CCDC144A: variants seen among roughly 807,000 people sequenced by gnomAD.
The protein encoded by CCDC144A is coiled-coil domain-containing protein 144A.
Under a neutral mutation model 143.8 loss-of-function variants are expected in CCDC144A, and 41 were observed. The observed-to-expected ratio is 0.29, with a 90% CI of 0.22 to 0.37. The LOEUF (loss-of-function observed/expected upper bound fraction) is 0.37, where lower values mean the gene tolerates loss of function less well. CCDC144A is among the 10% of genes least tolerant of loss of function. CCDC144A has a pLI of 1.00. For missense variants in CCDC144A, 637 were observed against 1,488.8 expected (o/e 0.43, Z 9.41); for synonymous variants, 242 against 517.9 (o/e 0.47, Z 7.23).
At chr17:16,696,633 CAAA>C (rs536770820) in intron 2 of CCDC144A, among the ~76,000 whole-genome samples, 3 of 71,800 alleles carry the variant, frequency 4.2e-5, no homozygotes, top group Admixed American at 1.5e-4. Context: ...GACTCTGTCT[CAAA>C]AAAAAAAAAA....
chr17:16,683,997 C>T, the CCDC144A span: 1 of 1,009,972 alleles, frequency 9.9e-7, no homozygotes, highest in Non-Finnish European at 1.6e-6. Context: ...GGGTGGCAGA[C>T]AAACCAAAGA....
chr17:16,755,474 C>CATTCAAT (rs1915034251), intron 12 of CCDC144A, among the ~76,000 whole-genome samples: 1 of 152,102 alleles, frequency 6.6e-6, no homozygotes, highest in Non-Finnish European at 1.5e-5. Context: ...ATTGAGGACT[C>CATTCAAT]CTGTAAGCAT....
chr17:16,766,726 C>G (rs1168571762), intron 15 of CCDC144A, among the ~76,000 whole-genome samples: 2 of 151,992 alleles, frequency 1.3e-5, no homozygotes, highest in Admixed American at 1.3e-4. Context: ...GGCGACAGAG[C>G]AAGACTCCAT....
chr17:16,688,056 CTG>C (rs896077734), upstream of CCDC144A, among the ~76,000 whole-genome samples: 3 of 151,378 alleles, frequency 2.0e-5, no homozygotes, highest in East Asian at 1.9e-4. Flanking sequence ...TGATAAATGA[CTG>C]TAATATTTCT....
the CCDC144A span, among the ~76,000 whole-genome samples, chr17:16,667,269 C>CGGCTGAGA: frequency 7.7e-6 from 1 of 130,338 alleles, no homozygotes; most frequent in African/African-American, 2.7e-5. Context: ...GCGGCTGAGG[C>CGGCTGAGA]GGCTGAGGGG....
chr17:16,745,713 G>C (rs953224712), intron 12 of CCDC144A: 2 of 1,613,978 alleles, frequency 1.2e-6, no homozygotes, highest in Non-Finnish European at 1.7e-6. Context: ...ACACTCTCGC[G>C]CTCGGAAGTG....
chr17:16,726,380 C>CAAAA (rs1172386875), intron 8 of CCDC144A, among the ~76,000 whole-genome samples: 2 of 69,846 alleles, frequency 2.9e-5, no homozygotes, highest in East Asian at 4.3e-4. Context: ...GACTCCGTCT[C>CAAAA]AAAAAAAAAA....
At position 16,774,678 on chromosome 17, in the gene CCDC144A, T is replaced by A. The variant is rs1430080841; in HGVS notation, c.*1045T>A. 1 of 140,988 alleles carries A rather than the reference T, an allele frequency of 7.1e-6. No individual in the cohort carries two copies. Among genetic ancestry groups the A allele is most frequent in the Non-Finnish European group, 1.5e-5 (1 of 66,718 alleles). 8.7% of individuals were successfully genotyped at this position (140,988 alleles called of 1,614,324 possible). Reference sequence around the variant, plus strand: ...TGCATTCTATCAGGTGACCTGCAATTATTATTATTTTTTATTTTCATCTTT... The same window carrying A: ...TGCATTCTATCAGGTGACCTGCAATAATTATTATTTTTTATTTTCATCTTT... On this transcript the variant is annotated 3_prime_UTR_variant, in exon 17 of 17. Coordinates refer to ENST00000399273, the MANE Select transcript of CCDC144A (RefSeq NM_001382000.1).
At chr17:16,751,330 C>T (rs549610399) in intron 12 of CCDC144A, among the ~76,000 whole-genome samples, 2 of 151,896 alleles carry the variant, frequency 1.3e-5, no homozygotes, top group East Asian at 3.9e-4. Context: ...TGGCTACTTT[C>T]CTGCATTGGG....
At chr17:16,771,527 A>G (rs1269165174) in intron 15 of CCDC144A, among the ~76,000 whole-genome samples, 2 of 152,272 alleles carry the variant, frequency 1.3e-5, no homozygotes, top group Non-Finnish European at 1.5e-5. Flanking sequence ...AGCAAAGAAC[A>G]TACTTTGAAA....
At chr17:16,712,798 T>C (rs867437909) in intron 6 of CCDC144A, among the ~76,000 whole-genome samples, 2 of 152,094 alleles carry the variant, frequency 1.3e-5, no homozygotes, top group Non-Finnish European at 2.9e-5. Flanking sequence ...AGACCAGGAG[T>C]GTACTGATTA....
chr17:16,776,049 G>A lies in CCDC144A; in HGVS notation c.*2416G>A, dbSNP rs1437301715. The stretch of plus-strand genomic sequence containing the variant: ...GTCTTATTTCTGGGTTCTCTATTCT[G>A]TTCCATTGGTCTATGTGTCGGTTCT... On this transcript the variant is annotated 3_prime_UTR_variant, in exon 17 of 17. Transcript: ENST00000399273. 6.6e-6 allele frequency: 1 copy of A among 152,234 alleles called. No individual in the cohort carries two copies. Among genetic ancestry groups the A allele is most frequent in the Non-Finnish European group, 1.5e-5 (1 of 68,066 alleles). The allele number at this position is 152,234 out of a possible 1,614,324, so 9.4% of individuals were successfully genotyped here.
upstream of CCDC144A, among the ~76,000 whole-genome samples, chr17:16,685,373 G>T (rs1910743036): frequency 6.6e-6 from 1 of 151,632 alleles, no homozygotes; most frequent in Non-Finnish European, 1.5e-5. Flanking sequence ...GCCGTTTTTT[G>T]TTGTTGTTGT....
rs904558439 is a variant in CCDC144A at position 16,745,966 on chromosome 17, C to T, written c.3372+10323C>T. 8.1e-6 allele frequency: 13 copies of T among 1,607,868 alleles called. 1 individual carries two copies. The Middle Eastern group carries it at 1.1e-3, about 141-fold the overall frequency. On this transcript the variant is annotated intron_variant, in intron 12 of 16. Transcript: ENST00000399273. ...TCGTGGTGAGCTCTGTGCCTCCTGC[C>T]GTCATCCACATGGTGTCTTTGTGAT...
chr17:16,683,445 G>T, the CCDC144A span: 4 of 1,191,446 alleles, frequency 3.4e-6, no homozygotes, highest in Non-Finnish European at 4.8e-6. Flanking sequence ...CGATGAGCCG[G>T]CTTCTGTCCC....
intron 15 of CCDC144A, among the ~76,000 whole-genome samples, chr17:16,769,136 C>T (rs1294481207): frequency 2.0e-5 from 3 of 152,048 alleles, no homozygotes; most frequent in Non-Finnish European, 2.9e-5. Context: ...TGACACCCAT[C>T]GCAGGTGCAT....
chr17:16,673,387 A>ATT, the CCDC144A span, among the ~76,000 whole-genome samples: 26 of 138,588 alleles, frequency 1.9e-4, no homozygotes, highest in Middle Eastern at 3.7e-3. Flanking sequence ...AGTTATCTTC[A>ATT]TTTTTTTTTT....
At chr17:16,719,079 C>T (rs1912940347) in intron 6 of CCDC144A, among the ~76,000 whole-genome samples, 1 of 151,134 alleles carries the variant, frequency 6.6e-6, no homozygotes, top group Non-Finnish European at 1.5e-5. Flanking sequence ...ATCCATCCAC[C>T]TCGGCCTCCC....
intron 6 of CCDC144A, chr17:16,712,258 T>G (rs193240042): frequency 5.4e-5 from 9 of 167,324 alleles, no homozygotes; most frequent in African/African-American, 2.2e-4. Flanking sequence ...TCAGCCTTCC[T>G]TGGTTATCAG....
Sources: gnomAD v4.1 joint callset for allele counts (sites outside exome capture counted in the v4.1 genomes callset) on GRCh38, gnomAD v4.1.1 for gene constraint, MANE v1.5 for transcripts, NCBI Gene and HGNC (gene_info 2026-07-23, HGNC 2026-07-21) for gene names.